The following COL21A1 variants were observed in gnomAD, a reference collection of about 807,000 sequenced individuals.
COL21A1 encodes collagen type XXI alpha 1 chain.
Under a neutral mutation model 137.9 loss-of-function variants are expected in COL21A1, and 149 were observed. That is an observed-to-expected ratio of 1.08 (90% CI 0.95 to 1.24). The LOEUF is 1.24. Among genes scored for constraint, COL21A1 ranks in the 50% most tolerant of loss-of-function variants. COL21A1 has a pLI of 0.00. For synonymous variants in COL21A1, 456 were observed against 391.5 expected (o/e 1.16, Z -1.95); for missense variants, 1,167 against 1,158.4 (o/e 1.01, Z -0.11).
chr6:56,262,661 G>A (rs190527103), intron 1 of COL21A1, among the ~76,000 whole-genome samples: 52 of 152,126 alleles, frequency 3.4e-4, no homozygotes, highest in Admixed American at 3.4e-3. Context: ...CTAGAATAGG[G>A]ACTGGGATAC....
intron 1 of COL21A1, among the ~76,000 whole-genome samples, chr6:56,208,963 G>C (rs1020462863): frequency 2.0e-5 from 3 of 152,126 alleles, no homozygotes; most frequent in Non-Finnish European, 4.4e-5. Context: ...TGGAAAACTA[G>C]CTAGCCATAT....
At chr6:56,098,977 A>C (rs1210023125) in intron 17 of COL21A1, among the ~76,000 whole-genome samples, 2 of 150,306 alleles carry the variant, frequency 1.3e-5, no homozygotes, top group Non-Finnish European at 3.0e-5. Context: ...GGCCTCCCAA[A>C]GTGCTGGGAT....
At chr6:56,158,139 G>A (rs373407560) in intron 9 of COL21A1, among the ~76,000 whole-genome samples, 4 of 151,662 alleles carry the variant, frequency 2.6e-5, no homozygotes, top group East Asian at 3.9e-4. Flanking sequence ...CTCTGAATTC[G>A]TGAAGTCTAA....
rs144718415 is a variant in COL21A1, at chr6:56,107,672, G to A, written c.1759-6147C>T. ...AACAGTGAAAAGTGGTGAGACAAGGGTTTTATAGGTAGCCAAGCTGTCATT... is the reference window on the plus strand; with the variant it reads ...AACAGTGAAAAGTGGTGAGACAAGGATTTTATAGGTAGCCAAGCTGTCATT... On this transcript the variant is annotated intron_variant, in intron 16 of 29. Transcript: ENST00000244728. Among the ~76,000 whole-genome samples the A allele has an allele frequency of 3.0e-4, 46 of 152,172 alleles. No individual in the cohort carries two copies. The East Asian group carries it at 3.1e-3, about 10-fold the overall frequency.
At chr6:56,305,198 A>G (rs1200892656) in intron 1 of COL21A1, among the ~76,000 whole-genome samples, 1 of 152,160 alleles carries the variant, frequency 6.6e-6, no homozygotes, top group African/African-American at 2.4e-5. Flanking sequence ...GCTGAGAAGA[A>G]TGTATATTCT....
chr6:56,128,092 G>A (rs1010983404), intron 12 of COL21A1, among the ~76,000 whole-genome samples: 3 of 152,130 alleles, frequency 2.0e-5, no homozygotes, highest in Non-Finnish European at 2.9e-5. Flanking sequence ...GAAAGGGGAC[G>A]GCAAACCCTG....
At chr6:56,350,867 C>G (rs542644812) in intron 1 of COL21A1, among the ~76,000 whole-genome samples, 12 of 152,254 alleles carry the variant, frequency 7.9e-5, no homozygotes, top group Non-Finnish European at 1.5e-4. Context: ...AGCAACCCAG[C>G]TACCGGAGGT....
chr6:56,346,036 T>C (rs988719290), intron 1 of COL21A1, among the ~76,000 whole-genome samples: 2 of 152,230 alleles, frequency 1.3e-5, no homozygotes, highest in Non-Finnish European at 2.9e-5. Context: ...ACTGTTTTCT[T>C]CATTTACCTC....
intron 18 of COL21A1, among the ~76,000 whole-genome samples, chr6:56,076,712 T>G (rs925373384): frequency 1.3e-5 from 2 of 151,156 alleles, no homozygotes; most frequent in Admixed American, 6.6e-5. Context: ...AATATGGAAA[T>G]ATGGTAGGTA....
chr6:56,271,790 A>G (rs1763532424), intron 1 of COL21A1, among the ~76,000 whole-genome samples: 1 of 152,232 alleles, frequency 6.6e-6, no homozygotes, highest in Non-Finnish European at 1.5e-5. Context: ...CTCCAGCTCC[A>G]GCCATGCCTC....
chr6:56,121,632 C>T (rs750283445), intron 16 of COL21A1, among the ~76,000 whole-genome samples: 8 of 149,608 alleles, frequency 5.3e-5, no homozygotes, highest in Non-Finnish European at 1.0e-4. Flanking sequence ...CAAGAATTAA[C>T]TCTAACATAA....
chr6:56,197,274 G>T (rs1003480103), intron 1 of COL21A1, among the ~76,000 whole-genome samples: 1 of 151,932 alleles, frequency 6.6e-6, no homozygotes, highest in African/African-American at 2.4e-5. Context: ...AAACACAGGG[G>T]AAAAGCTTAA....
At chr6:56,083,323 T>G (rs1193038024) in intron 17 of COL21A1, among the ~76,000 whole-genome samples, 1 of 151,992 alleles carries the variant, frequency 6.6e-6, no homozygotes, top group African/African-American at 2.4e-5. Context: ...CTACATTCCT[T>G]GGTTTACAGC....
At chr6:56,254,929 A>T (rs1782931721) in intron 1 of COL21A1, among the ~76,000 whole-genome samples, 1 of 151,570 alleles carries the variant, frequency 6.6e-6, no homozygotes, top group African/African-American at 2.4e-5. Flanking sequence ...TTATCCCTAG[A>T]TTTTTTTTTC....
intron 1 of COL21A1, among the ~76,000 whole-genome samples, chr6:56,281,597 T>C (rs1763787466): frequency 6.6e-6 from 1 of 152,218 alleles, no homozygotes; most frequent in Non-Finnish European, 1.5e-5. Flanking sequence ...CCTTGCATAG[T>C]GGATGAATGT....
In COL21A1 at chr6:56,269,195, T is replaced by C. The variant is rs113789961; in HGVS notation, c.-38-86539A>G. Among the ~76,000 whole-genome samples, 444 of 152,270 alleles carry C rather than the reference T, an allele frequency of 2.9e-3. 5 individuals are homozygous for C. The highest frequency in any genetic ancestry group is 1.0e-2 in the African/African-American group (415 of 41,556). On this transcript the variant is annotated intron_variant, in intron 1 of 28. Transcript: ENST00000370819. The stretch of plus-strand genomic sequence containing the variant: ...AACTTGGAAAATATATTTGAGGACA[T>C]AGTCCACAAAAATTCCCCTAATATT...
Position 56,141,829 on chromosome 6 carries a change from C to T in COL21A1, c.1498G>A (p.Gly500Arg). Residue 500 changes from glycine to arginine, a missense_variant, in exon 12 of 30, where the codon GGA (glycine) becomes AGA (arginine). Physicochemically the swap from Gly to Arg is moderately radical, Grantham distance 125 (BLOSUM62 -2). Transcript: ENST00000244728. ...GGTTCTCCTTTGTAACCTGGTAGTC[C>T]TCGAGCTCCCTAAATTAACCAGAAA... ...PGSPGIQGAR[G>R]LPGYKGEPGR... is the part of the protein sequence containing the mutation. 6.2e-7 allele frequency: 1 copy of T among 1,613,528 alleles called. No homozygotes were observed. Among genetic ancestry groups the T allele is most frequent in the Non-Finnish European group, 8.5e-7 (1 of 1,179,678 alleles).
intron 1 of COL21A1, among the ~76,000 whole-genome samples, chr6:56,325,777 T>TAATATATATTATACATA (rs376969081): frequency 6.2e-4 from 1 of 1,616 alleles, no homozygotes; most frequent in Non-Finnish European, 1.2e-3. Context: ...ATTATATATA[T>TAATATATATTATACATA]TTATATAATA....
Position 56,256,763 on chromosome 6 carries a change from C to A in COL21A1, c.-38-74107G>T, listed in dbSNP as rs149847639. Among the ~76,000 whole-genome samples the A allele has an allele frequency of 8.0e-3, 1,213 of 152,118 alleles. 8 individuals carry two copies. The highest frequency in any genetic ancestry group is 0.031 in the Middle Eastern group (9 of 294). On this transcript the variant is annotated intron_variant, in intron 1 of 28. Transcript: ENST00000370819. Reference sequence around the variant, plus strand: ...GGCCCCTTTCATGGTCACTGCTATACTCTTCGCAGTCCCACATGTGAGTGA... The same window carrying A: ...GGCCCCTTTCATGGTCACTGCTATAATCTTCGCAGTCCCACATGTGAGTGA...
Sources: allele counts gnomAD v4.1 joint callset (sites outside exome capture counted in the v4.1 genomes callset), GRCh38; gene constraint gnomAD v4.1.1; transcripts MANE v1.5; gene names NCBI Gene and HGNC (gene_info 2026-07-23, HGNC 2026-07-21).